CNNM3: variants seen among roughly 807,000 people sequenced by gnomAD.
The protein encoded by CNNM3 is cyclin and CBS domain divalent metal cation transport mediator 3, also known as metal transporter CNNM3.
In CNNM3, 47 loss-of-function variants were observed where a neutral mutation model predicts 57.1. That is an observed-to-expected ratio of 0.82 (90% CI 0.65 to 1.05). The LOEUF (loss-of-function observed/expected upper bound fraction) is 1.05. Ranked by LOEUF, CNNM3 falls within the 50% of genes least tolerant of loss-of-function variation. The pLI is 0.00. For synonymous variants in CNNM3, 507 were observed against 478.2 expected (o/e 1.06, Z -0.79); for missense variants, 957 against 973.7 (o/e 0.98, Z 0.23).
At chr2:96,836,589 C>T (rs1329077470), downstream of CNNM3, 1 of 152,164 alleles carries the variant, frequency 6.6e-6, no homozygotes, top group Non-Finnish European at 1.5e-5. Context: ...ATGTTGCCCA[C>T]ACCTGGTCTC....
Position 96,833,104 on chromosome 2 carries a change from C to T in CNNM3, c.*488C>T, listed in dbSNP as rs116628401. Reference sequence around the variant, plus strand: ...ACCCATTTTGGCTGGGGGTTCAGATCGATGGCCTTGTCCATGTTGTCCTTT... The same window carrying T: ...ACCCATTTTGGCTGGGGGTTCAGATTGATGGCCTTGTCCATGTTGTCCTTT... On this transcript the variant is annotated 3_prime_UTR_variant, in exon 8 of 8. Coordinates refer to ENST00000305510, the MANE Select transcript of CNNM3 (RefSeq NM_017623.5). 1,939 of 946,530 alleles carry T rather than the reference C, an allele frequency of 2.0e-3. 26 individuals are homozygous for T. In the African/African-American group the frequency reaches 0.03, roughly 15 times the overall value. 58.6% of individuals were successfully genotyped at this position (946,530 alleles called of 1,614,324 possible). A position where few individuals can be genotyped will look rare whatever the true frequency, so the allele number is the denominator to read the frequency against.
intron 7 of CNNM3, among the ~76,000 whole-genome samples, chr2:96,829,553 A>G (rs1013222763): frequency 6.7e-6 from 1 of 149,162 alleles, no homozygotes; most frequent in African/African-American, 2.5e-5. Flanking sequence ...CGCCTGCCTC[A>G]CCTTCCCAAA....
chr2:96,832,821 A>G lies in CNNM3; in HGVS notation c.*205A>G. On this transcript the variant is annotated 3_prime_UTR_variant, in exon 8 of 8. Coordinates refer to ENST00000305510, the MANE Select transcript of CNNM3 (RefSeq NM_017623.5). The stretch of plus-strand genomic sequence containing the variant: ...CCGGCCCTGCCCTCCTTTAGGAGAC[A>G]GGAGTCACCAGGGCACAGCCCTCCA... 1 of 1,512,778 alleles carries G rather than the reference A, an allele frequency of 6.6e-7. No homozygotes were observed. The highest frequency in any genetic ancestry group is 1.2e-5 in the South Asian group (1 of 82,312). The allele number at this position is 1,512,778 out of a possible 1,614,324, so 93.7% of individuals were successfully genotyped here.
chr2:96,835,880 T>A (rs2079684499), downstream of CNNM3, among the ~76,000 whole-genome samples: 1 of 152,196 alleles, frequency 6.6e-6, no homozygotes, highest in Non-Finnish European at 1.5e-5. Flanking sequence ...CTGACAGGTG[T>A]GTCGTGATGC....
At chr2:96,828,059 A>G in intron 4 of CNNM3, 40 bp from the exon 5 acceptor site, 2 of 1,594,532 alleles carry the variant, frequency 1.3e-6, no homozygotes, top group Non-Finnish European at 1.7e-6. Flanking sequence ...GGGAAAGGTA[A>G]TCTGGCCGCA....
chr2:96,835,664 T>C (rs1251079002), downstream of CNNM3, among the ~76,000 whole-genome samples: 5 of 152,254 alleles, frequency 3.3e-5, no homozygotes, highest in African/African-American at 9.6e-5. Flanking sequence ...AGACGGGGTT[T>C]CACCATGTTA....
intron 3 of CNNM3, 25 bp from the exon 4 acceptor site, chr2:96,827,706 T>C: frequency 6.2e-7 from 1 of 1,603,768 alleles, no homozygotes; most frequent in Non-Finnish European, 8.5e-7. Context: ...CAGTGGACAC[T>C]GTCCCTTTTT....
At chr2:96,826,805 C>G in intron 2 of CNNM3, 28 bp from the exon 3 acceptor site, 1 of 1,612,890 alleles carries the variant, frequency 6.2e-7, no homozygotes, top group Non-Finnish European at 8.5e-7. Context: ...TGGCTGATGC[C>G]TGAGCGCGCC....
At position 96,832,575 on chromosome 2, in the gene CNNM3, G is replaced by C. The variant is rs1404195977; in HGVS notation, c.2083G>C (p.Val695Leu). Reference sequence around the variant, plus strand: ...AGGGTCCAGCCACAGCAGGCCCGGCGTCCCGGTGGAAGGCAGCCCTGGGCG... The same window carrying C: ...AGGGTCCAGCCACAGCAGGCCCGGCCTCCCGGTGGAAGGCAGCCCTGGGCG... ...AAGSSHSRPG[V>L]PVEGSPGRNP... is the part of the protein sequence containing the mutation. Residue 695 changes from valine (V) to leucine (L), a missense_variant, in exon 8 of 8, where the codon GTC becomes CTC. Around this residue, in one of 2 missense-constraint regions of CNNM3, gnomAD observed 491 missense variants for 570.6 expected, o/e 0.86. Transcript: ENST00000305510. 1.2e-6 allele frequency: 2 copies of C among 1,614,140 alleles called. No homozygotes were observed. Among genetic ancestry groups the C allele is most frequent in the East Asian group, 4.5e-5 (2 of 44,878 alleles).
At chr2:96,828,973 C>G (rs369816313) in intron 6 of CNNM3, 23 bp from the exon 7 acceptor site, 9 of 1,610,474 alleles carry the variant, frequency 5.6e-6, no homozygotes, top group Non-Finnish European at 7.6e-6. Context: ...CAATTGGGTC[C>G]CAGTAACGCT....
intron 6 of CNNM3, 70 bp downstream of exon 6, chr2:96,828,770 G>A: frequency 6.3e-7 from 1 of 1,594,376 alleles, no homozygotes; most frequent in Non-Finnish European, 8.6e-7. Context: ...AGACCAGCTG[G>A]TCTGAGACTG....
chr2:96,828,941 T>C (rs951541163), intron 6 of CNNM3, 55 bp from the exon 7 acceptor site: 11 of 1,601,428 alleles, frequency 6.9e-6, no homozygotes, highest in Non-Finnish European at 9.4e-6. Context: ...CTTTCCTGCC[T>C]ACCTTCTGCA....
At position 96,816,560 on chromosome 2, in the gene CNNM3, G is replaced by A; in HGVS notation, c.283G>A (p.Gly95Ser). The A allele has an allele frequency of 7.6e-7, 1 of 1,312,554 alleles. No individual in the cohort carries two copies. Among genetic ancestry groups the A allele is most frequent in the Non-Finnish European group, 9.7e-7 (1 of 1,034,542 alleles). 81.3% of individuals were successfully genotyped at this position (1,312,554 alleles called of 1,614,324 possible). ...GCREEAASPA[G>S]EWRALLRLRL... is the part of the protein sequence containing the mutation. ...CCGGGAGGAGGCGGCCTCCCCCGCGGGCGAGTGGCGCGCGCTGCTGCGCTT... is the reference window on the plus strand; with the variant it reads ...CCGGGAGGAGGCGGCCTCCCCCGCGAGCGAGTGGCGCGCGCTGCTGCGCTT... Residue 95 changes from glycine (G) to serine (S), a missense_variant, in exon 1 of 8, where the codon GGC (glycine) becomes AGC (serine). Around this residue, in one of 2 missense-constraint regions of CNNM3, gnomAD observed 466 missense variants for 403.1 expected, o/e 1.16. Transcript: ENST00000305510.
Position 96,832,931 on chromosome 2 carries a change from C to T in CNNM3, c.*315C>T, listed in dbSNP as rs1204451428. Reference sequence around the variant, plus strand: ...TTCCCCTTCTCCCCCGGGGCAGGGACAGTGCGGCATATTCAGATTCAGACC... The same window carrying T: ...TTCCCCTTCTCCCCCGGGGCAGGGATAGTGCGGCATATTCAGATTCAGACC... On this transcript the variant is annotated 3_prime_UTR_variant, in exon 8 of 8. Coordinates refer to ENST00000305510, the MANE Select transcript of CNNM3 (RefSeq NM_017623.5). 2.1e-6 allele frequency: 3 copies of T among 1,413,710 alleles called. No individual in the cohort carries two copies. Among genetic ancestry groups the T allele is most frequent in the Admixed American group, 2.1e-5 (1 of 47,154 alleles). The allele number at this position is 1,413,710 out of a possible 1,614,324, so 87.6% of individuals were successfully genotyped here.
At position 96,832,744 on chromosome 2, in the gene CNNM3, T is replaced by A. The variant is rs9973492; in HGVS notation, c.*128T>A. On this transcript the variant is annotated 3_prime_UTR_variant, in exon 8 of 8. Transcript: ENST00000305510. ...GCCACGTTTTAGATGGCCCTTGTAG[T>A]TGCGGGTCCTGGGTGTCCTCAGAAC... 148,384 of 1,544,784 alleles carry A rather than the reference T, an allele frequency of 0.096. 14,399 individuals carry two copies. Among genetic ancestry groups the A allele is most frequent in the African/African-American group, 0.51 (37,690 of 73,438 alleles).
In CNNM3 at chr2:96,820,259, A is replaced by G. The variant is rs754399923; in HGVS notation, c.1225+2757A>G. Among the ~76,000 whole-genome samples, 7 of 152,186 alleles carry G rather than the reference A, an allele frequency of 4.6e-5. No individual in the cohort carries two copies. In the East Asian group the frequency reaches 5.8e-4, roughly 13 times the overall value. ...AAGATTGGTATCTGGCAGCAGGGCTATGCAACAAGGAGGAGCAGCTGAGGA... is the reference window on the plus strand; with the variant it reads ...AAGATTGGTATCTGGCAGCAGGGCTGTGCAACAAGGAGGAGCAGCTGAGGA... On this transcript the variant is annotated intron_variant, in intron 1 of 7. Coordinates refer to ENST00000305510, the MANE Select transcript of CNNM3 (RefSeq NM_017623.5).
chr2:96,816,980 G>T lies in CNNM3; in HGVS notation c.703G>T (p.Val235Leu), dbSNP rs1323620908. The change falls in exon 1 of 8, where the codon GTG becomes TTG. Residue 235 changes from valine (V) to leucine (L), a missense_variant. Coordinates refer to ENST00000305510, the MANE Select transcript of CNNM3 (RefSeq NM_017623.5). ...GGGCAGCGCGGGGCTCGTGTTCCTG[G>T]TGGGAGAGGTGGTGCCGGCCGCCGT... The part of the protein sequence containing the change: ...VLGSAGLVFL[V>L]GEVVPAAVSG... 1 of 1,359,658 alleles carries T rather than the reference G, an allele frequency of 7.4e-7. No homozygotes were observed. Among genetic ancestry groups the T allele is most frequent in the Admixed American group, 3.0e-5 (1 of 33,708 alleles). The allele number at this position is 1,359,658 out of a possible 1,614,324, so 84.2% of individuals were successfully genotyped here. A position where few individuals can be genotyped will look rare whatever the true frequency, so the allele number is the denominator to read the frequency against.
chr2:96,829,152 C>T lies in CNNM3; in HGVS notation c.2059+18C>T. On this transcript the variant is annotated intron_variant, in intron 7 of 7. Transcript: ENST00000305510. ...AGCGGCAGGTGAGTGCCAAGTGGTA[C>T]ATCGTGCATGGTGTCTGGACCTGAG... 1 of 1,613,044 alleles carries T rather than the reference C, an allele frequency of 6.2e-7. No individual in the cohort carries two copies. The highest frequency in any genetic ancestry group is 1.1e-5 in the South Asian group (1 of 91,052).
chr2:96,822,243 TCCG>T (rs2079419872), intron 1 of CNNM3, among the ~76,000 whole-genome samples: 1 of 152,118 alleles, frequency 6.6e-6, no homozygotes, highest in African/African-American at 2.4e-5. Context: ...GACCTTATGA[TCCG>T]CCCGTCTCGG....
Sources: gnomAD v4.1 joint callset for allele counts (sites outside exome capture counted in the v4.1 genomes callset) on GRCh38, gnomAD v4.1.1 for gene constraint, gnomAD v4.1.1 regional missense constraint, MANE v1.5 for transcripts, NCBI Gene and HGNC (gene_info 2026-07-23, HGNC 2026-07-21) for gene names.